Variants in TIAM1 observed in about 807,000 individuals in gnomAD.
The protein encoded by TIAM1 is rho guanine nucleotide exchange factor TIAM1.
Under a neutral mutation model 163.5 loss-of-function variants are expected in TIAM1, and 65 were observed. The observed-to-expected ratio is 0.40, with a 90% CI of 0.33 to 0.49. The LOEUF (loss-of-function observed/expected upper bound fraction) is 0.49. Among genes scored for constraint, TIAM1 ranks in the 20% least tolerant of loss-of-function variants. The probability of loss-of-function intolerance (pLI) is 0.77; values close to 1 mark genes in which losing one functional copy is unlikely to be tolerated. For missense variants in TIAM1, 1,789 were observed against 2,044.7 expected, an observed-to-expected ratio of 0.87 and a Z score of 2.41; for synonymous variants, 833 against 810.1, an observed-to-expected ratio of 1.03 and a Z score of -0.48.
At chr21:31,246,401 C>T (rs569623443) in intron 5 of TIAM1, among the ~76,000 whole-genome samples, 2 of 152,310 alleles carry the variant, frequency 1.3e-5, no homozygotes, top group South Asian at 2.1e-4. Flanking sequence ...CTTCCATAGA[C>T]TCCTTCCATT....
chr21:31,341,667 CAAACAG>C (rs760142623), intron 1 of TIAM1, among the ~76,000 whole-genome samples: 1 of 151,810 alleles, frequency 6.6e-6, no homozygotes, highest in Non-Finnish European at 1.5e-5. Context: ...GTGGTGTTCA[CAAACAG>C]AAAGTATATT....
chr21:31,265,494 T>C (rs2072706714), intron 4 of TIAM1, among the ~76,000 whole-genome samples: 1 of 151,488 alleles, frequency 6.6e-6, no homozygotes. Context: ...TTGAAATGGC[T>C]CCCGGTAAGG....
chr21:31,387,195 C>CTCTTTTTT (rs759122075), intron 2 of TIAM1, among the ~76,000 whole-genome samples: 123 of 75,150 alleles, frequency 1.6e-3, no homozygotes, highest in Admixed American at 1.9e-3. Context: ...AGCTTATTCT[C>CTCTTTTTT]TTTTTTTTTT....
intron 2 of TIAM1, among the ~76,000 whole-genome samples, chr21:31,298,735 GGTGTGTGTGT>G (rs147701527): frequency 7.2e-6 from 1 of 138,574 alleles, no homozygotes; most frequent in East Asian, 2.1e-4. Flanking sequence ...TCCAATTGAG[GGTGTGTGTGT>G]GTGTGTGTGT....
chr21:31,153,891 T>A (rs114394731), intron 17 of TIAM1, among the ~76,000 whole-genome samples: 2,274 of 137,830 alleles, frequency 0.016, 57 homozygotes, highest in African/African-American at 0.063. Context: ...TGAAACCTCC[T>A]CTCTACAAAA....
At chr21:31,346,081 G>T (rs1449456659), upstream of TIAM1, among the ~76,000 whole-genome samples, 2 of 152,038 alleles carry the variant, frequency 1.3e-5, no homozygotes, top group East Asian at 3.8e-4. Flanking sequence ...TGTCACAGCT[G>T]GGGGTTGCTA....
At chr21:31,329,444 A>C (rs1258036806) in intron 2 of TIAM1, among the ~76,000 whole-genome samples, 5 of 152,210 alleles carry the variant, frequency 3.3e-5, no homozygotes, top group Non-Finnish European at 7.3e-5. Context: ...GGGTGATAAG[A>C]CTGAGGCAGG....
chr21:31,363,879 G>T (rs142587213), intron 2 of TIAM1, among the ~76,000 whole-genome samples: 1,551 of 152,120 alleles, frequency 0.01, 13 homozygotes, highest in Non-Finnish European at 0.016. Context: ...AACATGCAAT[G>T]AAACCACAGG....
chr21:31,310,664 A>T (rs1371263932), intron 2 of TIAM1, among the ~76,000 whole-genome samples: 2 of 152,180 alleles, frequency 1.3e-5, no homozygotes, highest in Admixed American at 6.5e-5. Context: ...CAGACGCAGA[A>T]GGTAACCACT....
intron 2 of TIAM1, among the ~76,000 whole-genome samples, chr21:31,375,770 T>C (rs1465603951): frequency 3.3e-5 from 5 of 152,184 alleles, no homozygotes; most frequent in African/African-American, 9.6e-5. Flanking sequence ...GGCTCACGCC[T>C]GTAATCCCAG....
chr21:31,314,713 C>T (rs1411283882), intron 2 of TIAM1, among the ~76,000 whole-genome samples: 4 of 152,106 alleles, frequency 2.6e-5, no homozygotes, highest in African/African-American at 9.7e-5. Context: ...ACGGAAATTA[C>T]AATTTTGCAC....
chr21:31,486,903 C>G (rs557095606), intron 1 of TIAM1, among the ~76,000 whole-genome samples: 2 of 152,328 alleles, frequency 1.3e-5, no homozygotes, highest in African/African-American at 4.8e-5. Context: ...AACTCCTCAC[C>G]GGGGCCACAG....
At chr21:31,289,361 T>C (rs947956537) in intron 2 of TIAM1, among the ~76,000 whole-genome samples, 1 of 152,202 alleles carries the variant, frequency 6.6e-6, no homozygotes, top group African/African-American at 2.4e-5. Flanking sequence ...CTGGAAGTTT[T>C]TGTGCTCCCT....
At chr21:31,322,852 A>G (rs2147035343) in intron 2 of TIAM1, among the ~76,000 whole-genome samples, 1 of 152,302 alleles carries the variant, frequency 6.6e-6, no homozygotes, top group Admixed American at 6.5e-5. Flanking sequence ...ACCACTGGTC[A>G]CTTCAGCCAG....
chr21:31,532,881 G>C (rs1321396793), intron 1 of TIAM1, among the ~76,000 whole-genome samples: 1 of 152,138 alleles, frequency 6.6e-6, no homozygotes, highest in African/African-American at 2.4e-5. Flanking sequence ...TGTAGGTCGA[G>C]GCCACAGTGA....
At chr21:31,542,694 G>A (rs949107681) in intron 1 of TIAM1, among the ~76,000 whole-genome samples, 4 of 151,884 alleles carry the variant, frequency 2.6e-5, no homozygotes, top group African/African-American at 4.8e-5. Context: ...TCCACGGTTG[G>A]GCACAGTAAT....
At chr21:31,206,274 C>T (rs1003137754) in intron 11 of TIAM1, among the ~76,000 whole-genome samples, 10 of 152,100 alleles carry the variant, frequency 6.6e-5, no homozygotes, top group Non-Finnish European at 1.3e-4. Context: ...AAAATAAAAT[C>T]CTAATGAATT....
intron 1 of TIAM1, among the ~76,000 whole-genome samples, chr21:31,479,757 C>T (rs1393207326): frequency 8.5e-5 from 13 of 152,138 alleles, no homozygotes; most frequent in Non-Finnish European, 2.9e-5. Context: ...TAAGTGCCTA[C>T]AAAGTCCTCC....
chr21:31,217,877 C>T (rs1386211643), intron 8 of TIAM1, among the ~76,000 whole-genome samples, 178 bp from the exon 9 acceptor site: 1 of 152,160 alleles, frequency 6.6e-6, no homozygotes, highest in Non-Finnish European at 1.5e-5. Context: ...CTTTGAGAGC[C>T]CTTCATGGAT....
Sources: gnomAD v4.1 joint callset for allele counts (sites outside exome capture counted in the v4.1 genomes callset) on GRCh38, gnomAD v4.1.1 for gene constraint, MANE v1.5 for transcripts, NCBI Gene and HGNC (gene_info 2026-07-23, HGNC 2026-07-21) for gene names.